GFRAL: variants seen among roughly 807,000 people sequenced by gnomAD.
GFRAL encodes the protein GDNF family receptor alpha-like.
Under a neutral mutation model 45.4 loss-of-function variants are expected in GFRAL, and 36 were observed. The observed-to-expected ratio is 0.79, with a 90% CI of 0.61 to 1.05. The LOEUF is 1.05. Among genes scored for constraint, GFRAL ranks in the 50% least tolerant of loss-of-function variants. The pLI is 0.00. For missense variants in GFRAL, 507 were observed against 467.5 expected (o/e 1.08, Z -0.78); for synonymous variants, 166 against 154.1 (o/e 1.08, Z -0.57).
chr6:55,355,299 C>T (rs1196740596), intron 5 of GFRAL, among the ~76,000 whole-genome samples: 2 of 151,732 alleles, frequency 1.3e-5, no homozygotes, highest in Non-Finnish European at 2.9e-5. Context: ...CTCATGCGTA[C>T]CTATGTAATA....
chr6:55,344,122 G>T (rs963824413), intron 3 of GFRAL, among the ~76,000 whole-genome samples: 5 of 152,090 alleles, frequency 3.3e-5, no homozygotes, highest in African/African-American at 1.2e-4. Context: ...AACAGGAGCT[G>T]GTACCATTCC....
In GFRAL at chr6:55,359,055, A is replaced by G. The variant is rs377010138; in HGVS notation, c.869A>G (p.Gln290Arg). ...IDILGTVLQVQCTCRTITQSE... is the reference protein window; with the variant it reads ...IDILGTVLQVRCTCRTITQSE... Reference sequence around the variant, plus strand: ...ATCCTTGGGACGGTCCTTCAAGTGCAATGTACCTGTAGGACCATTACACAA... The same window carrying G: ...ATCCTTGGGACGGTCCTTCAAGTGCGATGTACCTGTAGGACCATTACACAA... Residue 290 changes from glutamine to arginine, a missense_variant, in exon 6 of 9, where the codon CAA (glutamine) becomes CGA (arginine). Physicochemically the swap from Gln to Arg is conservative, Grantham distance 43. Transcript: ENST00000340465. The G allele has an allele frequency of 2.5e-6, 4 of 1,612,802 alleles. No individual in the cohort carries two copies. Among genetic ancestry groups the G allele is most frequent in the African/African-American group, 2.7e-5 (2 of 74,810 alleles).
chr6:55,368,521 C>T (rs1447517543), intron 6 of GFRAL, among the ~76,000 whole-genome samples: 3 of 151,972 alleles, frequency 2.0e-5, no homozygotes, highest in Admixed American at 1.3e-4. Flanking sequence ...AGGCACTCTG[C>T]TTTTTAGAGT....
chr6:55,353,237 T>G (rs955213158), intron 5 of GFRAL, among the ~76,000 whole-genome samples: 43 of 152,036 alleles, frequency 2.8e-4, no homozygotes, highest in Admixed American at 9.9e-4. Context: ...GTCCCCTTGT[T>G]TCAACTACTG....
rs9396081 is a variant in GFRAL, at chr6:55,347,517, G to A, written c.317-2575G>A. Among the ~76,000 whole-genome samples the A allele has an allele frequency of 1.8e-3, 281 of 152,182 alleles. 4 individuals are homozygous for A. In the East Asian group the frequency reaches 0.041, roughly 22 times the overall value. ...ACCTGAGTCGATGCTGAATATCAGG[G>A]CAAGACTTTGAGGTTAATATTTGAC... On this transcript the variant is annotated intron_variant, in intron 3 of 8. Transcript: ENST00000340465.
chr6:55,382,311 A>G (rs902407791), intron 6 of GFRAL, among the ~76,000 whole-genome samples: 1 of 151,954 alleles, frequency 6.6e-6, no homozygotes, highest in African/African-American at 2.4e-5. Context: ...AATTCTGTAG[A>G]GAACAGGCAT....
At chr6:55,401,640 A>G (rs1206863129) in intron 8 of GFRAL, 150 bp from the exon 9 acceptor site, 16 of 613,698 alleles carry the variant, frequency 2.6e-5, no homozygotes, top group Non-Finnish European at 3.7e-5. Flanking sequence ...GAAAGAAAAT[A>G]TGATATTTTA....
intron 4 of GFRAL, among the ~76,000 whole-genome samples, chr6:55,350,937 A>G (rs1768108213): frequency 1.3e-5 from 2 of 152,096 alleles, no homozygotes; most frequent in African/African-American, 2.4e-5. Context: ...TTCAAATGCA[A>G]TTTCTGAAGA....
chr6:55,398,676 A>G (rs115577865), intron 6 of GFRAL, among the ~76,000 whole-genome samples: 6,537 of 152,244 alleles, frequency 0.043, 204 homozygotes, highest in African/African-American at 0.073. Context: ...GAAGACTAGC[A>G]CCTCAGAATG....
intron 6 of GFRAL, among the ~76,000 whole-genome samples, chr6:55,391,407 T>G (rs1193045025): frequency 1.3e-5 from 2 of 152,222 alleles, no homozygotes. Context: ...CTTCACATAC[T>G]GTTTTATTTA....
At position 55,358,980 on chromosome 6, in the gene GFRAL, A is replaced by C. The variant is rs768437103; in HGVS notation, c.794A>C (p.Gln265Pro). Residue 265 changes from glutamine to proline, a missense_variant, in exon 6 of 9, where the codon CAG (glutamine) becomes CCG (proline). By Grantham distance (76) the Gln-to-Pro change is moderately conservative. Coordinates refer to ENST00000340465, the MANE Select transcript of GFRAL (RefSeq NM_207410.2). The part of the protein sequence containing the change: ...DENCISTLSK[Q>P]DLTCSGSDDC... Reference sequence around the variant, plus strand: ...AATTGCATTAGCACCTTAAGCAAACAGGACCTCACTTGTTCAGGAAGTGAT... The same window carrying C: ...AATTGCATTAGCACCTTAAGCAAACCGGACCTCACTTGTTCAGGAAGTGAT... The C allele has an allele frequency of 1.9e-6, 3 of 1,613,224 alleles. No homozygotes were observed. In the South Asian group the frequency reaches 3.3e-5, roughly 18 times the overall value.
chr6:55,368,907 C>T (rs1395159171), intron 6 of GFRAL, among the ~76,000 whole-genome samples: 1 of 152,086 alleles, frequency 6.6e-6, no homozygotes, highest in African/African-American at 2.4e-5. Flanking sequence ...TTGTCTGTGC[C>T]CTGACCCCGG....
intron 6 of GFRAL, among the ~76,000 whole-genome samples, chr6:55,363,869 G>A (rs1768315417): frequency 1.3e-5 from 2 of 151,264 alleles, no homozygotes; most frequent in Admixed American, 6.6e-5. Flanking sequence ...CCAAGTCTTT[G>A]CTATTGTGAA....
intron 6 of GFRAL, among the ~76,000 whole-genome samples, chr6:55,392,360 ATTAC>A (rs753211063): frequency 1.3e-5 from 2 of 152,208 alleles, no homozygotes; most frequent in Non-Finnish European, 2.9e-5. Context: ...GTAGGAAGTA[ATTAC>A]TTACATAGGT....
intron 1 of GFRAL, among the ~76,000 whole-genome samples, chr6:55,328,485 A>C (rs1767793087): frequency 6.6e-6 from 1 of 151,948 alleles, no homozygotes. Context: ...CAAGTTAAGA[A>C]GGAGAGAAAT....
chr6:55,376,935 C>T (rs1230637091), intron 6 of GFRAL, among the ~76,000 whole-genome samples: 3 of 151,810 alleles, frequency 2.0e-5, no homozygotes, highest in Non-Finnish European at 4.4e-5. Context: ...TTGGGACCTA[C>T]AAGTAGTCGG....
intron 6 of GFRAL, among the ~76,000 whole-genome samples, chr6:55,391,586 T>C (rs1768754519): frequency 6.6e-6 from 1 of 152,032 alleles, no homozygotes; most frequent in Non-Finnish European, 1.5e-5. Flanking sequence ...GCCTTGTCTC[T>C]AGAAAAAATA....
chr6:55,356,664 T>C (rs1281186945), intron 5 of GFRAL, among the ~76,000 whole-genome samples: 1 of 151,932 alleles, frequency 6.6e-6, no homozygotes, highest in East Asian at 1.9e-4. Context: ...TTTCATTTTG[T>C]TAATCTTTTG....
chr6:55,344,894 A>T (rs887377224), intron 3 of GFRAL, among the ~76,000 whole-genome samples: 1 of 152,196 alleles, frequency 6.6e-6, no homozygotes, highest in African/African-American at 2.4e-5. Flanking sequence ...CTATACACCA[A>T]TAATAGACAA....
Sources: gnomAD v4.1 joint callset for allele counts (sites outside exome capture counted in the v4.1 genomes callset) on GRCh38, gnomAD v4.1.1 for gene constraint, MANE v1.5 for transcripts, NCBI Gene and HGNC (gene_info 2026-07-23, HGNC 2026-07-21) for gene names.